Variants in NEDD4L observed in about 807,000 individuals in gnomAD.
NEDD4L encodes the protein E3 ubiquitin-protein ligase NEDD4-like.
A neutral mutation model predicts 148.9 loss-of-function variants in NEDD4L; 54 were observed. The ratio of observed to expected loss-of-function variants is 0.36; its 90% CI spans 0.29 to 0.45. The LOEUF (loss-of-function observed/expected upper bound fraction) is 0.45, where lower values mean the gene tolerates loss of function less well. Among genes scored for constraint, NEDD4L ranks in the 20% least tolerant of loss-of-function variants. NEDD4L has a pLI of 1.00. For synonymous variants in NEDD4L, 433 were observed against 440.7 expected (o/e 0.98, Z 0.22); for missense variants, 856 against 1,233.8 (o/e 0.69, Z 4.59).
At chr18:58,124,631 C>T (rs868263901) in intron 1 of NEDD4L, among the ~76,000 whole-genome samples, 3 of 152,302 alleles carry the variant, frequency 2.0e-5, no homozygotes, top group Middle Eastern at 3.4e-3. Flanking sequence ...TCAACCTTAA[C>T]GTGGCCCACA....
At chr18:58,051,919 C>G (rs1254609498) in intron 1 of NEDD4L, among the ~76,000 whole-genome samples, 1 of 152,128 alleles carries the variant, frequency 6.6e-6, no homozygotes, top group African/African-American at 2.4e-5. Context: ...CATTGTTTCT[C>G]TTCCAGGTCA....
intron 1 of NEDD4L, among the ~76,000 whole-genome samples, chr18:58,118,695 T>C (rs1598911130): frequency 6.6e-6 from 1 of 152,092 alleles, no homozygotes; most frequent in Admixed American, 6.6e-5. Context: ...TTTGAAGATG[T>C]CCTGAAATAC....
intron 1 of NEDD4L, among the ~76,000 whole-genome samples, chr18:58,151,658 T>TGTGTGTGTGTGTGTGTGTGTG (rs60365242): frequency 1.5e-4 from 22 of 151,026 alleles, no homozygotes; most frequent in East Asian, 1.2e-3. Flanking sequence ...TGTGTGTGTG[T>TGTGTGTGTGTGTGTGTGTGTG]TGGCTGGAGA....
intron 2 of NEDD4L, among the ~76,000 whole-genome samples, chr18:58,174,930 G>T (rs2037950782): frequency 6.6e-6 from 1 of 152,074 alleles, no homozygotes; most frequent in South Asian, 2.1e-4. Flanking sequence ...TGAAAACATT[G>T]TACAAAGTAA....
chr18:58,356,430 C>T (rs1444994335), intron 18 of NEDD4L, among the ~76,000 whole-genome samples: 1 of 152,118 alleles, frequency 6.6e-6, no homozygotes, highest in African/African-American at 2.4e-5. Context: ...AGTACACACA[C>T]AGGAATCCGT....
rs560671876 is a variant in NEDD4L, at chr18:58,398,061, A to G, written c.*1792A>G. The G allele has an allele frequency of 2.6e-5, 4 of 151,534 alleles. No individual in the cohort carries two copies. Among genetic ancestry groups the G allele is most frequent in the African/African-American group, 9.7e-5 (4 of 41,256 alleles). 9.4% of individuals were successfully genotyped at this position (151,534 alleles called of 1,614,324 possible). On this transcript the variant is annotated 3_prime_UTR_variant, in exon 31 of 31. Coordinates refer to ENST00000400345, the MANE Select transcript of NEDD4L (RefSeq NM_001144967.3). ...GGGTGCAGAGGCCTGAGGTTTCTAA[A>G]AGAAGGTAGATTTCTACAGAGCTGA...
chr18:58,258,130 T>G (rs1446938748), intron 5 of NEDD4L, among the ~76,000 whole-genome samples: 1 of 152,240 alleles, frequency 6.6e-6, no homozygotes, highest in African/African-American at 2.4e-5. Context: ...TCCATGTATC[T>G]CCTTTCTTTC....
At chr18:58,387,708 G>A (rs2049228391) in intron 27 of NEDD4L, 1 of 510,548 alleles carries the variant, frequency 2.0e-6, no homozygotes, top group Non-Finnish European at 3.1e-6. Context: ...TAGGAGTAAG[G>A]AACAGCAAAA....
At chr18:58,114,575 C>T (rs577128512) in intron 1 of NEDD4L, among the ~76,000 whole-genome samples, 2 of 152,340 alleles carry the variant, frequency 1.3e-5, no homozygotes, top group Admixed American at 1.3e-4. Flanking sequence ...GGAGCATGGA[C>T]TTTCTGGAGC....
At chr18:58,220,601 A>C (rs1157820510) in intron 2 of NEDD4L, among the ~76,000 whole-genome samples, 1 of 152,172 alleles carries the variant, frequency 6.6e-6, no homozygotes, top group Non-Finnish European at 1.5e-5. Flanking sequence ...TCTAGTTTAC[A>C]GGGTTTCTCA....
At position 58,142,040 on chromosome 18, in the gene NEDD4L, C is replaced by CTTTTTTTTTTT. The variant is rs552184742; in HGVS notation, c.49-23734_49-23724dup. Reference sequence around the variant, plus strand: ...CCCCACTGCCTTCCAAAATTTCTTTCTTTTTTTTTTTTTTTTTTTTTTTTG... The same window carrying CTTTTTTTTTTT: ...CCCCACTGCCTTCCAAAATTTCTTTCTTTTTTTTTTTTTTTTTTTTTTTTTTTTTTTTTTTG... On this transcript the variant is annotated intron_variant, in intron 1 of 30. Coordinates refer to ENST00000400345, the MANE Select transcript of NEDD4L (RefSeq NM_001144967.3). Among the ~76,000 whole-genome samples the CTTTTTTTTTTT allele has an allele frequency of 4.7e-3, 196 of 41,864 alleles. 8 individuals are homozygous for CTTTTTTTTTTT. The highest frequency in any genetic ancestry group is 7.6e-3 in the Non-Finnish European group (166 of 21,860). The allele number at this position is 41,864 out of a possible 152,430, so 27.5% of individuals were successfully genotyped here.
chr18:58,181,943 TTTGTA>T (rs1373005605), intron 2 of NEDD4L, among the ~76,000 whole-genome samples: 1 of 152,212 alleles, frequency 6.6e-6, no homozygotes, highest in East Asian at 1.9e-4. Context: ...ACATTTTTTT[TTTGTA>T]TTGTTATCCC....
At chr18:58,098,343 C>T (rs543855318) in intron 1 of NEDD4L, among the ~76,000 whole-genome samples, 24 of 152,280 alleles carry the variant, frequency 1.6e-4, no homozygotes, top group African/African-American at 5.8e-4. Flanking sequence ...GAGGTTCAGA[C>T]TCCTAGGCCT....
At chr18:58,062,513 A>G (rs1444062363) in intron 1 of NEDD4L, among the ~76,000 whole-genome samples, 5 of 152,162 alleles carry the variant, frequency 3.3e-5, no homozygotes, top group African/African-American at 1.2e-4. Flanking sequence ...AAATCTGGTG[A>G]AAAATGGAGA....
intron 23 of NEDD4L, among the ~76,000 whole-genome samples, chr18:58,372,842 AAAAAAG>A (rs1248698285): frequency 2.1e-5 from 3 of 144,942 alleles, no homozygotes; most frequent in African/African-American, 7.9e-5. Context: ...AAAAAAAAAA[AAAAAAG>A]AGAGAGAGAA....
At chr18:58,120,702 C>T (rs1014937400) in intron 1 of NEDD4L, among the ~76,000 whole-genome samples, 3 of 152,168 alleles carry the variant, frequency 2.0e-5, no homozygotes, top group African/African-American at 7.2e-5. Context: ...ATGGCATGAA[C>T]CTGGGAGGCG....
chr18:58,394,704 A>G (rs1465248085), intron 30 of NEDD4L, among the ~76,000 whole-genome samples: 2 of 152,246 alleles, frequency 1.3e-5, no homozygotes, highest in Non-Finnish European at 2.9e-5. Flanking sequence ...AGAGAATCCA[A>G]GTGGAACTCA....
intron 2 of NEDD4L, among the ~76,000 whole-genome samples, chr18:58,188,316 C>G (rs1457294793): frequency 1.3e-5 from 2 of 152,226 alleles, no homozygotes; most frequent in Non-Finnish European, 2.9e-5. Flanking sequence ...GGTGCTCAAG[C>G]CTGTCCCAGC....
At chr18:58,376,249 G>A (rs1184275717) in intron 24 of NEDD4L, among the ~76,000 whole-genome samples, 5 of 152,074 alleles carry the variant, frequency 3.3e-5, no homozygotes, top group Admixed American at 2.0e-4. Context: ...TCTGATGATC[G>A]TTCAGGCCAG....
Sources: gnomAD v4.1 joint callset for allele counts (sites outside exome capture counted in the v4.1 genomes callset) on GRCh38, gnomAD v4.1.1 for gene constraint, MANE v1.5 for transcripts, NCBI Gene and HGNC (gene_info 2026-07-23, HGNC 2026-07-21) for gene names.